Variants in CD2AP observed in about 807,000 individuals in gnomAD.
The protein encoded by CD2AP is CD2-associated protein.
CD2AP carries 46 observed loss-of-function variants against 85.1 expected under a neutral mutation model. That is an observed-to-expected ratio of 0.54 (90% CI 0.43 to 0.69). CD2AP has a LOEUF of 0.69. Ranked by LOEUF, CD2AP falls within the 30% of genes least tolerant of loss-of-function variation. CD2AP has a pLI of 0.00. For missense variants in CD2AP, 769 were observed against 729.5 expected, an observed-to-expected ratio of 1.05 and a Z score of -0.62; for synonymous variants, 255 against 252.9, an observed-to-expected ratio of 1.01 and a Z score of -0.08.
At chr6:47,585,923 G>T (rs1042067333) in intron 11 of CD2AP, among the ~76,000 whole-genome samples, 4 of 152,038 alleles carry the variant, frequency 2.6e-5, no homozygotes, top group African/African-American at 9.7e-5. Flanking sequence ...TTGGAAATAC[G>T]GCCAACAAAT....
At chr6:47,594,258 A>T (rs934369220) in intron 11 of CD2AP, among the ~76,000 whole-genome samples, 2 of 152,050 alleles carry the variant, frequency 1.3e-5, no homozygotes, top group Non-Finnish European at 2.9e-5. Context: ...AGAATTTTTA[A>T]TTTTGTGTTA....
chr6:47,505,889 G>A (rs1283902479), intron 2 of CD2AP, among the ~76,000 whole-genome samples: 2 of 114,276 alleles, frequency 1.8e-5, no homozygotes, highest in East Asian at 2.8e-4. Flanking sequence ...GCGGCTGGCC[G>A]GGCGGGGGGC....
At chr6:47,609,091 TA>T (rs768496169) in intron 15 of CD2AP, 31 bp from the exon 16 acceptor site, 32 of 1,519,022 alleles carry the variant, frequency 2.1e-5, no homozygotes, top group Non-Finnish European at 2.4e-5. Context: ...TAATATTAAA[TA>T]AAATCAGAAA....
chr6:47,517,696 C>G (rs534752613), intron 2 of CD2AP, among the ~76,000 whole-genome samples: 10 of 152,074 alleles, frequency 6.6e-5, no homozygotes, highest in Non-Finnish European at 1.5e-4. Flanking sequence ...TCTTTATCAT[C>G]TTTTAGATCT....
At chr6:47,537,648 T>C (rs1408579419) in intron 3 of CD2AP, among the ~76,000 whole-genome samples, 2 of 152,186 alleles carry the variant, frequency 1.3e-5, no homozygotes, top group Non-Finnish European at 2.9e-5. Context: ...CACATTATCT[T>C]TTTCTTCATG....
Position 47,599,456 on chromosome 6 carries a change from G to T in CD2AP, c.1417+13G>T. On this transcript the variant is annotated intron_variant, in intron 13 of 17. Transcript: ENST00000359314. ...TCCAAAGAAACAGGTAAGTCAGCAT[G>T]GACAGCGGTGGTGCATTTAAAAAAA... The T allele has an allele frequency of 1.2e-6, 2 of 1,609,358 alleles. No individual in the cohort carries two copies. The highest frequency in any genetic ancestry group is 2.2e-5 in the South Asian group (2 of 90,752).
rs183262493 is a variant in CD2AP at position 47,527,448 on chromosome 6, G to T, written c.166-6154G>T. On this transcript the variant is annotated intron_variant, in intron 2 of 17. Transcript: ENST00000359314. The stretch of plus-strand genomic sequence containing the variant: ...AGATCAAGAATTTGGTGAAAGAAAG[G>T]AAAGGGAGAATTATACTGTGGAGAG... Among the ~76,000 whole-genome samples, 366 of 152,352 alleles carry T rather than the reference G, an allele frequency of 2.4e-3. 1 individual carries two copies. Among genetic ancestry groups the T allele is most frequent in the African/African-American group, 8.6e-3 (356 of 41,588 alleles).
intron 17 of CD2AP, among the ~76,000 whole-genome samples, chr6:47,620,491 G>C (rs979583592): frequency 6.6e-6 from 1 of 152,170 alleles, no homozygotes; most frequent in African/African-American, 2.4e-5. Flanking sequence ...GATGCCTCCA[G>C]ATTTGTTCTT....
chr6:47,548,748 A>C (rs1321659221), intron 4 of CD2AP, among the ~76,000 whole-genome samples: 1 of 152,070 alleles, frequency 6.6e-6, no homozygotes, highest in East Asian at 1.9e-4. Context: ...AGGACATAAC[A>C]AAAAAAGAAA....
At chr6:47,574,310 A>G in intron 6 of CD2AP, 59 bp downstream of exon 6, 1 of 1,504,038 alleles carries the variant, frequency 6.6e-7, no homozygotes, top group Non-Finnish European at 9.2e-7. Context: ...GCATTTTTTA[A>G]AATGTAAAAG....
chr6:47,608,842 C>T (rs1036990489), intron 15 of CD2AP, among the ~76,000 whole-genome samples: 1 of 152,128 alleles, frequency 6.6e-6, no homozygotes, highest in Admixed American at 6.5e-5. Context: ...GCCCCTGTTT[C>T]ACTAGGCAAA....
At chr6:47,566,305 T>TGA (rs1767992925) in intron 5 of CD2AP, among the ~76,000 whole-genome samples, 1 of 56,196 alleles carries the variant, frequency 1.8e-5, no homozygotes, top group Non-Finnish European at 4.4e-5. Context: ...CATTAGAATA[T>TGA]ATATATATAT....
intron 17 of CD2AP, among the ~76,000 whole-genome samples, chr6:47,616,026 G>A (rs912049836): frequency 2.8e-5 from 4 of 143,878 alleles, no homozygotes; most frequent in Admixed American, 1.4e-4. Flanking sequence ...CTTGTGATTC[G>A]CCCGCCTCAG....
At chr6:47,566,301 A>AATATATATATATATATATAT (rs71831752) in intron 5 of CD2AP, among the ~76,000 whole-genome samples, 16 of 110,162 alleles carry the variant, frequency 1.5e-4, no homozygotes, top group Non-Finnish European at 1.9e-4. Flanking sequence ...TGCTCATTAG[A>AATATATATATATATATATAT]ATATATATAT....
chr6:47,517,247 C>T (rs1001605845), intron 2 of CD2AP, among the ~76,000 whole-genome samples: 1 of 151,726 alleles, frequency 6.6e-6, no homozygotes, highest in African/African-American at 2.4e-5. Context: ...TGGAGCCATG[C>T]TTGTATAGCT....
In CD2AP at chr6:47,478,132, G is replaced by T; in HGVS notation, c.-113G>T. The T allele has an allele frequency of 7.3e-7, 1 of 1,371,234 alleles. No homozygotes were observed. Among genetic ancestry groups the T allele is most frequent in the Non-Finnish European group, 1.0e-6 (1 of 985,668 alleles). The allele number at this position is 1,371,234 out of a possible 1,614,324, so 84.9% of individuals were successfully genotyped here. A position where few individuals can be genotyped will look rare whatever the true frequency, so the allele number is the denominator to read the frequency against. The stretch of plus-strand genomic sequence containing the variant: ...CTTCGCCCCGCCTGAGCTCAGGAGG[G>T]GCTAGCGCGGAGCGCGGGTCCCGCC... On this transcript the variant is annotated 5_prime_UTR_variant, in exon 1 of 18. Transcript: ENST00000359314.
intron 17 of CD2AP, among the ~76,000 whole-genome samples, chr6:47,622,759 GGTTT>G (rs1349458230): frequency 6.6e-6 from 1 of 152,184 alleles, no homozygotes; most frequent in African/African-American, 2.4e-5. Flanking sequence ...CGGGATTGCT[GGTTT>G]GTTCTTGCAG....
At chr6:47,546,220 A>G (rs1009341699) in intron 4 of CD2AP, among the ~76,000 whole-genome samples, 3 of 152,162 alleles carry the variant, frequency 2.0e-5, no homozygotes, top group Non-Finnish European at 2.9e-5. Flanking sequence ...TGCTGTGGGA[A>G]GTTTCAGCAA....
chr6:47,611,140 A>G (rs1357526632), intron 16 of CD2AP, among the ~76,000 whole-genome samples: 1 of 150,356 alleles, frequency 6.7e-6, no homozygotes, highest in Non-Finnish European at 1.5e-5. Flanking sequence ...ATATATTAAT[A>G]GAGAAATACT....
Sources: gnomAD v4.1 joint callset for allele counts (sites outside exome capture counted in the v4.1 genomes callset) on GRCh38, gnomAD v4.1.1 for gene constraint, MANE v1.5 for transcripts, NCBI Gene and HGNC (gene_info 2026-07-23, HGNC 2026-07-21) for gene names.